Variants in AKR1C8 observed in about 807,000 individuals in gnomAD.
The protein encoded by AKR1C8 is aldo-keto reductase family 1 member C-like protein 1.
At chr10:5,172,628 A>C in the AKR1C8 span, among the ~76,000 whole-genome samples, 1 of 152,104 alleles carries the variant, frequency 6.6e-6, no homozygotes, top group Admixed American at 6.6e-5. Flanking sequence ...AGTATTTGGC[A>C]GAGATAAGTA....
the AKR1C8 span, among the ~76,000 whole-genome samples, chr10:5,179,541 A>G: frequency 2.6e-5 from 4 of 151,886 alleles, no homozygotes; most frequent in East Asian, 1.9e-4. Context: ...GCTAGATTGG[A>G]GAAGTTCTCC....
chr10:5,161,678 A>G, the AKR1C8 span: 3 of 532,458 alleles, frequency 5.6e-6, no homozygotes, highest in South Asian at 4.2e-5. Flanking sequence ...GAAAATCTTG[A>G]TGGTAGAGTC....
At chr10:5,175,247 T>C in the AKR1C8 span, among the ~76,000 whole-genome samples, 19 of 152,026 alleles carry the variant, frequency 1.2e-4, no homozygotes, top group East Asian at 3.7e-3. Flanking sequence ...GTCCTTGCGA[T>C]AGTTTACTGA....
the AKR1C8 span, among the ~76,000 whole-genome samples, chr10:5,135,891 A>G: frequency 8.5e-5 from 13 of 152,290 alleles, no homozygotes; most frequent in African/African-American, 3.1e-4. Flanking sequence ...TTTGCATTGT[A>G]GAAGGAATAT....
chr10:5,164,432 A>G, the AKR1C8 span, among the ~76,000 whole-genome samples: 1 of 152,034 alleles, frequency 6.6e-6, no homozygotes, highest in Non-Finnish European at 1.5e-5. Context: ...GTGATACATC[A>G]TGAGAGACTA....
the AKR1C8 span, among the ~76,000 whole-genome samples, chr10:5,167,448 G>A: frequency 2.6e-5 from 4 of 152,118 alleles, no homozygotes; most frequent in Non-Finnish European, 5.9e-5. Context: ...GGAATACTAT[G>A]CAGCCATAAA....
At chr10:5,158,383 G>C in the AKR1C8 span, among the ~76,000 whole-genome samples, 1,260 of 152,276 alleles carry the variant, frequency 8.3e-3, 14 homozygotes, top group African/African-American at 0.029. Context: ...TTAGGAGTGG[G>C]GTTGGGAGTA....
the AKR1C8 span, among the ~76,000 whole-genome samples, chr10:5,117,538 G>A: frequency 6.6e-6 from 1 of 152,126 alleles, no homozygotes; most frequent in Non-Finnish European, 1.5e-5. Context: ...CTGGTTCTAG[G>A]TGTGTAGAGA....
At chr10:5,127,722 CAAAAAAAAAAA>C in the AKR1C8 span, among the ~76,000 whole-genome samples, 11 of 79,658 alleles carry the variant, frequency 1.4e-4, no homozygotes, top group Admixed American at 4.7e-4. Flanking sequence ...AAGACTCTGT[CAAAAAAAAAAA>C]AAAAAAAAAA....
At chr10:5,129,973 A>C in the AKR1C8 span, among the ~76,000 whole-genome samples, 1 of 151,922 alleles carries the variant, frequency 6.6e-6, no homozygotes, top group African/African-American at 2.4e-5. Flanking sequence ...AAAAATAGAA[A>C]ACTATAGGCC....
chr10:5,132,605 T>TG, the AKR1C8 span: 1 of 1,572,306 alleles, frequency 6.4e-7, no homozygotes, highest in South Asian at 1.1e-5. Flanking sequence ...ACAGTACCTT[T>TG]GAAGTGTAGA....
the AKR1C8 span, chr10:5,158,568 G>T: frequency 2.1e-4 from 90 of 432,770 alleles, no homozygotes; most frequent in African/African-American, 1.8e-3. Context: ...CAGAATTCCC[G>T]CCATAGGTTA....
the AKR1C8 span, among the ~76,000 whole-genome samples, chr10:5,165,097 A>G: frequency 6.6e-6 from 1 of 152,126 alleles, no homozygotes; most frequent in Non-Finnish European, 1.5e-5. Context: ...ATTTTCACCT[A>G]ATAAGGGCCT....
the AKR1C8 span, among the ~76,000 whole-genome samples, chr10:5,120,976 T>C: frequency 1.3e-5 from 2 of 152,150 alleles, no homozygotes; most frequent in Non-Finnish European, 1.5e-5. Context: ...AATGTATAAG[T>C]AATATAATGA....
the AKR1C8 span, among the ~76,000 whole-genome samples, chr10:5,175,124 CCT>C: frequency 7.2e-6 from 1 of 138,292 alleles, no homozygotes; most frequent in African/African-American, 2.7e-5. Flanking sequence ...CCCCCTCCCC[CCT>C]CCCCCAACCC....
At chr10:5,145,186 T>C in the AKR1C8 span, among the ~76,000 whole-genome samples, 2 of 152,178 alleles carry the variant, frequency 1.3e-5, no homozygotes, top group African/African-American at 4.8e-5. Flanking sequence ...TTGATTTGCA[T>C]ATATCAATTC....
chr10:5,126,591 T>G, the AKR1C8 span, among the ~76,000 whole-genome samples: 5 of 152,078 alleles, frequency 3.3e-5, no homozygotes, highest in Non-Finnish European at 4.4e-5. Flanking sequence ...TCTACTGGCC[T>G]GGGGTGGTAT....
chr10:5,167,178 T>A, the AKR1C8 span, among the ~76,000 whole-genome samples: 2 of 152,234 alleles, frequency 1.3e-5, no homozygotes, highest in African/African-American at 2.4e-5. Context: ...ACTTTTACAC[T>A]GTTGGTGGGT....
chr10:5,129,124 G>A, the AKR1C8 span, among the ~76,000 whole-genome samples: 3 of 151,988 alleles, frequency 2.0e-5, no homozygotes, highest in Non-Finnish European at 4.4e-5. Context: ...GACTCTGAAA[G>A]GGACCCTCAA....
Sources: gnomAD v4.1 joint callset for allele counts (sites outside exome capture counted in the v4.1 genomes callset) on GRCh38, gnomAD v4.1.1 for gene constraint, MANE v1.5 for transcripts, NCBI Gene and HGNC (gene_info 2026-07-23, HGNC 2026-07-21) for gene names.